SYN3: variants seen among roughly 807,000 people sequenced by gnomAD.
SYN3 encodes the protein synapsin III.
SYN3 carries 35 observed loss-of-function variants against 65.8 expected under a neutral mutation model. The observed-to-expected ratio is 0.53, with a 90% CI of 0.41 to 0.70. The LOEUF (loss-of-function observed/expected upper bound fraction) is 0.70. Ranked by LOEUF, SYN3 falls within the 30% of genes least tolerant of loss-of-function variation. The pLI, the probability that SYN3 is intolerant of heterozygous loss-of-function variation, is 0.00. For synonymous variants in SYN3, 270 were observed against 292.9 expected, an observed-to-expected ratio of 0.92 and a Z score of 0.80; for missense variants, 680 against 749.0, an observed-to-expected ratio of 0.91 and a Z score of 1.08.
At chr22:32,526,322 T>A (rs1371161381) in intron 12 of SYN3, among the ~76,000 whole-genome samples, 1 of 152,108 alleles carries the variant, frequency 6.6e-6, no homozygotes. Context: ...CTCCTGCTTT[T>A]CCAGAAGGAG....
chr22:33,006,770 A>G lies in SYN3; in HGVS notation c.-108T>C. 6.8e-6 allele frequency: 8 copies of G among 1,178,086 alleles called. No individual in the cohort carries two copies. Among genetic ancestry groups the G allele is most frequent in the Non-Finnish European group, 8.3e-6 (7 of 844,032 alleles). 73.0% of individuals were successfully genotyped at this position (1,178,086 alleles called of 1,614,324 possible). A position where few individuals can be genotyped will look rare whatever the true frequency, so the allele number is the denominator to read the frequency against. Reference sequence around the variant, plus strand: ...GGAGTGGTAGGACTTTAGCCAGAAGAGCCAGGGGGATTTTGCGCAACCAGC... The same window carrying G: ...GGAGTGGTAGGACTTTAGCCAGAAGGGCCAGGGGGATTTTGCGCAACCAGC... On this transcript the variant is annotated 5_prime_UTR_variant, in exon 2 of 14. Coordinates refer to ENST00000358763, the MANE Select transcript of SYN3 (RefSeq NM_003490.4).
At chr22:32,714,228 AAGGGCATTGTAC>A (rs893534632) in intron 6 of SYN3, among the ~76,000 whole-genome samples, 1 of 152,204 alleles carries the variant, frequency 6.6e-6, no homozygotes, top group African/African-American at 2.4e-5. Context: ...GCTAAGTGGA[AAGGGCATTGTAC>A]AGGAGCCAAG....
intron 13 of SYN3, among the ~76,000 whole-genome samples, chr22:32,514,846 C>G (rs2057744802): frequency 6.6e-6 from 1 of 152,168 alleles, no homozygotes; most frequent in Non-Finnish European, 1.5e-5. Context: ...GAAACCCCGT[C>G]TCTACTAAAA....
intron 2 of SYN3, among the ~76,000 whole-genome samples, chr22:33,002,320 A>G (rs1268999348): frequency 6.6e-6 from 1 of 152,186 alleles, no homozygotes; most frequent in Non-Finnish European, 1.5e-5. Flanking sequence ...ACATACTTTA[A>G]TGTTGACTTT....
intron 6 of SYN3, among the ~76,000 whole-genome samples, chr22:32,615,997 A>G (rs1172573023): frequency 6.6e-6 from 1 of 152,224 alleles, no homozygotes; most frequent in Non-Finnish European, 1.5e-5. Context: ...CTAGGTCACA[A>G]CTGGCCTGGC....
At chr22:32,871,167 T>C (rs975784861) in intron 4 of SYN3, among the ~76,000 whole-genome samples, 16 of 152,000 alleles carry the variant, frequency 1.1e-4, no homozygotes, top group African/African-American at 3.9e-4. Flanking sequence ...CAGCCTCCTA[T>C]TTTTTTTCCC....
chr22:32,726,358 T>G (rs566241231), intron 6 of SYN3, among the ~76,000 whole-genome samples: 33 of 152,246 alleles, frequency 2.2e-4, no homozygotes, highest in East Asian at 7.8e-4. Flanking sequence ...GGCCAGGATG[T>G]TCTTGATCTC....
intron 6 of SYN3, among the ~76,000 whole-genome samples, chr22:32,726,790 G>A (rs1376857550): frequency 6.6e-6 from 1 of 152,108 alleles, no homozygotes; most frequent in Non-Finnish European, 1.5e-5. Context: ...TAAGGGCAAC[G>A]GTGACACTCT....
At chr22:33,015,244 T>C in intron 1 of SYN3, 2 of 267,864 alleles carry the variant, frequency 7.5e-6, no homozygotes, top group Non-Finnish European at 1.4e-5. Flanking sequence ...AAAAAAAAAC[T>C]ACTGTATCTT....
chr22:32,520,625 T>C (rs1405457731), intron 12 of SYN3, among the ~76,000 whole-genome samples: 1 of 152,230 alleles, frequency 6.6e-6, no homozygotes, highest in African/African-American at 2.4e-5. Context: ...TTATTGCTAA[T>C]TAAGAAAAGG....
intron 6 of SYN3, among the ~76,000 whole-genome samples, chr22:32,723,090 C>CTCAT (rs1297301983): frequency 1.3e-5 from 2 of 152,176 alleles, no homozygotes; most frequent in African/African-American, 2.4e-5. Context: ...GAATCCAAGA[C>CTCAT]TCAAACCTGA....
intron 2 of SYN3, among the ~76,000 whole-genome samples, chr22:32,995,041 G>A (rs1349882612): frequency 6.6e-6 from 1 of 152,124 alleles, no homozygotes; most frequent in Non-Finnish European, 1.5e-5. Flanking sequence ...ACATAACTGA[G>A]AAGGAAAACA....
intron 13 of SYN3, among the ~76,000 whole-genome samples, chr22:32,515,594 C>A (rs1281838101): frequency 6.6e-6 from 1 of 152,164 alleles, no homozygotes; most frequent in East Asian, 1.9e-4. Context: ...ATCCTTTGAT[C>A]TAACAATATC....
intron 6 of SYN3, among the ~76,000 whole-genome samples, chr22:32,823,013 C>G (rs533577830): frequency 6.6e-6 from 1 of 152,204 alleles, no homozygotes; most frequent in East Asian, 1.9e-4. Flanking sequence ...AATATCAACA[C>G]TAGTTACTCT....
At chr22:32,859,213 A>G (rs1458919464) in intron 6 of SYN3, 1 of 1,614,004 alleles carries the variant, frequency 6.2e-7, no homozygotes, top group East Asian at 2.2e-5. Flanking sequence ...TTGCTTTGTG[A>G]CTTCCAAGAA....
At chr22:33,037,230 T>C (rs1199336325) in intron 1 of SYN3, among the ~76,000 whole-genome samples, 1 of 152,182 alleles carries the variant, frequency 6.6e-6, no homozygotes, top group Non-Finnish European at 1.5e-5. Context: ...CTGCTTCACA[T>C]ATGGAGAAAA....
chr22:32,627,157 C>A (rs571550660), intron 6 of SYN3, among the ~76,000 whole-genome samples: 9 of 134,366 alleles, frequency 6.7e-5, no homozygotes, highest in African/African-American at 1.9e-4. Context: ...GTGCGGCGGG[C>A]GGGTAACTTC....
intron 6 of SYN3, among the ~76,000 whole-genome samples, chr22:32,743,721 G>A (rs1009086411): frequency 5.9e-5 from 9 of 152,088 alleles, no homozygotes; most frequent in Admixed American, 1.3e-4. Flanking sequence ...TTGAAGGCCC[G>A]CCTGGGAGGT....
At chr22:32,635,005 C>A (rs1019762898) in intron 6 of SYN3, 5 of 151,586 alleles carry the variant, frequency 3.3e-5, no homozygotes, top group African/African-American at 1.2e-4. Context: ...GACAATTCTT[C>A]TTCTTCTAAT....
Sources: gnomAD v4.1 joint callset for allele counts (sites outside exome capture counted in the v4.1 genomes callset) on GRCh38, gnomAD v4.1.1 for gene constraint, MANE v1.5 for transcripts, NCBI Gene and HGNC (gene_info 2026-07-23, HGNC 2026-07-21) for gene names.